The following KCNC2 variants were observed in gnomAD, a reference collection of about 807,000 sequenced individuals.
The protein encoded by KCNC2 is voltage-gated potassium channel KCNC2.
KCNC2 carries 21 observed loss-of-function variants against 44.5 expected under a neutral mutation model. That is an observed-to-expected ratio of 0.47 (90% confidence interval 0.33 to 0.68). KCNC2 has a LOEUF of 0.68. Among genes scored for constraint, KCNC2 ranks in the 30% least tolerant of loss-of-function variants. The pLI is 0.01. For synonymous variants in KCNC2, 391 were observed against 339.1 expected (o/e 1.15, Z -1.68); for missense variants, 589 against 826.2 (o/e 0.71, Z 3.52).
chr12:75,152,929 A>G (rs1890506648), intron 2 of KCNC2, among the ~76,000 whole-genome samples: 1 of 152,020 alleles, frequency 6.6e-6, no homozygotes, highest in South Asian at 2.1e-4. Flanking sequence ...CGAATTATAC[A>G]ATGACAACAT....
intron 2 of KCNC2, among the ~76,000 whole-genome samples, chr12:75,183,908 C>T (rs965188511): frequency 2.0e-5 from 3 of 152,152 alleles, no homozygotes; most frequent in African/African-American, 7.2e-5. Flanking sequence ...CATTCCACCT[C>T]TCAGATTCTT....
chr12:75,060,693 A>G (rs1882230152), intron 2 of KCNC2, among the ~76,000 whole-genome samples: 1 of 150,508 alleles, frequency 6.6e-6, no homozygotes, highest in Admixed American at 6.6e-5. Context: ...CTGGCCTTGA[A>G]CTCCTGAGCT....
chr12:75,113,390 A>C (rs182117048), intron 2 of KCNC2, among the ~76,000 whole-genome samples: 1 of 152,326 alleles, frequency 6.6e-6, no homozygotes, highest in African/African-American at 2.4e-5. Context: ...TTAAATATGT[A>C]GTTTCTGACC....
In KCNC2 at chr12:75,050,745, C is replaced by T; in HGVS notation, c.1260G>A (p.Gln420=). ...AGAACCCAATGGGAATGTTTTTGAA[C>T]TGTGTGTGCTCACTAGCTGAAGGGT... ...PNDPSASEHT[Q]FKNIPIGFWW... The change falls in exon 3 of 5, where the codon CAG becomes CAA. Residue 420 remains glutamine, a synonymous_variant. Transcript: ENST00000549446. The T allele has an allele frequency of 6.2e-7, 1 of 1,613,586 alleles. No homozygotes were observed. Among genetic ancestry groups the T allele is most frequent in the South Asian group, 1.1e-5 (1 of 91,054 alleles).
chr12:75,084,824 T>C (rs1438884584), intron 2 of KCNC2, among the ~76,000 whole-genome samples: 2 of 151,834 alleles, frequency 1.3e-5, no homozygotes, highest in Non-Finnish European at 2.9e-5. Context: ...AGCATATTCA[T>C]TGAAGATATG....
At chr12:75,082,116 T>C (rs1354240857) in intron 2 of KCNC2, among the ~76,000 whole-genome samples, 2 of 150,190 alleles carry the variant, frequency 1.3e-5, no homozygotes, top group Admixed American at 6.7e-5. Flanking sequence ...ATGTTGTGAA[T>C]ATCAATTAAA....
chr12:75,134,537 C>T (rs563510900), intron 2 of KCNC2, among the ~76,000 whole-genome samples: 1 of 151,726 alleles, frequency 6.6e-6, no homozygotes, highest in Non-Finnish European at 1.5e-5. Context: ...TAAGTTCAGT[C>T]CTGAAAGAAG....
At chr12:75,204,985 T>C (rs2031574108) in intron 2 of KCNC2, among the ~76,000 whole-genome samples, 1 of 152,040 alleles carries the variant, frequency 6.6e-6, no homozygotes, top group South Asian at 2.1e-4. Flanking sequence ...TACTGTTGGG[T>C]GGTAAAGGGT....
intron 2 of KCNC2, among the ~76,000 whole-genome samples, chr12:75,128,521 C>A (rs12423033): frequency 0.19 from 28,628 of 151,952 alleles, 3,784 homozygotes; most frequent in African/African-American, 0.36. Context: ...ATTCTTTGTT[C>A]CCAAAGACAG....
chr12:75,066,037 T>C (rs1206282917), intron 2 of KCNC2, among the ~76,000 whole-genome samples: 1 of 152,128 alleles, frequency 6.6e-6, no homozygotes, highest in Admixed American at 6.6e-5. Context: ...CAAATATACG[T>C]CTATTAAAAT....
At chr12:75,061,863 TGTTC>T (rs1222752966) in intron 2 of KCNC2, among the ~76,000 whole-genome samples, 3 of 152,078 alleles carry the variant, frequency 2.0e-5, no homozygotes, top group Non-Finnish European at 4.4e-5. Context: ...GTGTACCTGT[TGTTC>T]TGAGAAGCAT....
intron 2 of KCNC2, among the ~76,000 whole-genome samples, chr12:75,092,471 T>C (rs1885570706): frequency 6.6e-6 from 1 of 151,660 alleles, no homozygotes; most frequent in African/African-American, 2.4e-5. Flanking sequence ...TGTAACACTC[T>C]CTGGGGGAAT....
intron 1 of KCNC2, 58 bp from the exon 2 acceptor site, chr12:75,208,060 T>C: frequency 6.3e-7 from 1 of 1,587,100 alleles, no homozygotes; most frequent in Non-Finnish European, 8.5e-7. Flanking sequence ...AGACACACCA[T>C]GACCCCCACC....
At chr12:75,154,873 G>A (rs999185215) in intron 2 of KCNC2, among the ~76,000 whole-genome samples, 3 of 151,950 alleles carry the variant, frequency 2.0e-5, no homozygotes, top group African/African-American at 7.2e-5. Flanking sequence ...CACAGCAACT[G>A]CCATGCAAGA....
At chr12:75,107,463 T>C (rs530014166) in intron 2 of KCNC2, among the ~76,000 whole-genome samples, 82 of 152,340 alleles carry the variant, frequency 5.4e-4, no homozygotes, top group Non-Finnish European at 1.1e-3. Flanking sequence ...ATGTGTTATC[T>C]GAAATGTTTA....
chr12:75,151,742 G>C (rs1190458070), intron 2 of KCNC2, among the ~76,000 whole-genome samples: 3 of 151,130 alleles, frequency 2.0e-5, no homozygotes, highest in Non-Finnish European at 4.4e-5. Context: ...GAATCAACCA[G>C]ATTTGAAAAA....
chr12:75,113,557 G>A lies in KCNC2; in HGVS notation c.688-62240C>T, dbSNP rs529344478. Among the ~76,000 whole-genome samples, 29 of 152,096 alleles carry A rather than the reference G, an allele frequency of 1.9e-4. No homozygotes were observed. The South Asian group carries it at 5.4e-3, about 28-fold the overall frequency. Reference sequence around the variant, plus strand: ...TAATACCATCCTGTGTCAGAATTCTGGCCTGTTAACATGCCCATTCTGCAA... The same window carrying A: ...TAATACCATCCTGTGTCAGAATTCTAGCCTGTTAACATGCCCATTCTGCAA... On this transcript the variant is annotated intron_variant, in intron 2 of 4. Transcript: ENST00000549446.
intron 2 of KCNC2, among the ~76,000 whole-genome samples, chr12:75,129,538 T>A (rs1888680243): frequency 6.6e-6 from 1 of 152,326 alleles, no homozygotes; most frequent in South Asian, 2.1e-4. Flanking sequence ...GGGCTGTGTG[T>A]GTATTCTTTT....
intron 2 of KCNC2, among the ~76,000 whole-genome samples, chr12:75,195,288 A>T (rs2030665431): frequency 6.6e-6 from 1 of 152,170 alleles, no homozygotes; most frequent in South Asian, 2.1e-4. Context: ...CATACTCAGC[A>T]TCTAATTTCA....
Sources: gnomAD v4.1 joint callset for allele counts (sites outside exome capture counted in the v4.1 genomes callset) on GRCh38, gnomAD v4.1.1 for gene constraint, MANE v1.5 for transcripts, NCBI Gene and HGNC (gene_info 2026-07-23, HGNC 2026-07-21) for gene names.